The following FGF14 variants were observed in gnomAD, a reference collection of about 807,000 sequenced individuals.
The protein encoded by FGF14 is fibroblast growth factor homologous factor 4.
Under a neutral mutation model 25.5 loss-of-function variants are expected in FGF14, and 5 were observed. The observed-to-expected ratio is 0.20, with a 90% CI of 0.10 to 0.41. FGF14 has a LOEUF of 0.41. Ranked by LOEUF, FGF14 falls within the 10% of genes least tolerant of loss-of-function variation. The probability of loss-of-function intolerance (pLI) is 1.00; values close to 1 mark genes in which losing one functional copy is unlikely to be tolerated. For missense variants in FGF14, 222 were observed against 320.1 expected (o/e 0.69, Z 2.34); for synonymous variants, 138 against 118.3 (o/e 1.17, Z -1.08).
intron 1 of FGF14, among the ~76,000 whole-genome samples, chr13:102,162,271 T>C (rs927710766): frequency 1.3e-4 from 20 of 152,120 alleles, no homozygotes; most frequent in African/African-American, 4.3e-4. Context: ...CATTTGGTAA[T>C]AAATTATAAG....
At chr13:102,232,376 T>C (rs761172062) in intron 1 of FGF14, among the ~76,000 whole-genome samples, 15 of 152,194 alleles carry the variant, frequency 9.9e-5, no homozygotes, top group Non-Finnish European at 2.1e-4. Context: ...CCTATCAAGC[T>C]ATCACAAGAA....
intron 1 of FGF14, among the ~76,000 whole-genome samples, chr13:102,379,504 TCA>T (rs566123937): frequency 0.016 from 2,415 of 151,650 alleles, 67 homozygotes; most frequent in African/African-American, 0.055. Context: ...TTTTAAACTT[TCA>T]GTTTAAAGTA....
In FGF14 at chr13:102,195,736, G is replaced by A. The variant is rs573555320; in HGVS notation, c.208+205735C>T. Reference sequence around the variant, plus strand: ...AAGCCCAGGAAGCAGAGGTTGCAGTGAGCCAAGATCACACCACTGCATACA... The same window carrying A: ...AAGCCCAGGAAGCAGAGGTTGCAGTAAGCCAAGATCACACCACTGCATACA... On this transcript the variant is annotated intron_variant, in intron 1 of 4. Transcript: ENST00000376131. Among the ~76,000 whole-genome samples the A allele has an allele frequency of 4.1e-5, 6 of 146,990 alleles. No individual in the cohort carries two copies. The South Asian group carries it at 1.3e-3, about 32-fold the overall frequency.
At chr13:102,033,087 C>T (rs893935394) in intron 1 of FGF14, among the ~76,000 whole-genome samples, 1 of 152,034 alleles carries the variant, frequency 6.6e-6, no homozygotes, top group Non-Finnish European at 1.5e-5. Flanking sequence ...TCCTTGAATA[C>T]CCTACCCATA....
At chr13:101,879,966 G>A (rs932236755) in intron 1 of FGF14, among the ~76,000 whole-genome samples, 10 of 152,116 alleles carry the variant, frequency 6.6e-5, no homozygotes, top group African/African-American at 2.4e-4. Context: ...AAATAAAGGT[G>A]GGATAGGGAC....
chr13:102,240,853 A>G (rs2051564091), intron 1 of FGF14, among the ~76,000 whole-genome samples: 1 of 152,146 alleles, frequency 6.6e-6, no homozygotes, highest in African/African-American at 2.4e-5. Flanking sequence ...AATAATTTTT[A>G]CCCTCTTATT....
intron 1 of FGF14, among the ~76,000 whole-genome samples, chr13:102,136,815 C>A (rs958396174): frequency 1.3e-5 from 2 of 152,176 alleles, no homozygotes; most frequent in African/African-American, 4.8e-5. Flanking sequence ...TTTATCTTAA[C>A]TAGCTCATAT....
intron 1 of FGF14, among the ~76,000 whole-genome samples, chr13:102,179,629 T>C (rs1041465076): frequency 6.6e-5 from 10 of 152,138 alleles, no homozygotes; most frequent in Non-Finnish European, 1.3e-4. Flanking sequence ...GGGAAGTAAA[T>C]TGAGACTTAC....
intron 1 of FGF14, among the ~76,000 whole-genome samples, chr13:101,995,081 T>C (rs921030112): frequency 6.6e-6 from 1 of 152,152 alleles, no homozygotes; most frequent in Non-Finnish European, 1.5e-5. Flanking sequence ...ATTATAGCAA[T>C]TTGAATAGAG....
intron 1 of FGF14, among the ~76,000 whole-genome samples, chr13:101,948,458 G>A (rs1274751285): frequency 1.5e-5 from 2 of 129,854 alleles, no homozygotes; most frequent in Non-Finnish European, 3.1e-5. Context: ...AGAACTTAAA[G>A]TATAATAAAA....
At chr13:101,783,459 ACT>A (rs1437704946) in intron 3 of FGF14, among the ~76,000 whole-genome samples, 1 of 130,788 alleles carries the variant, frequency 7.6e-6, no homozygotes, top group Non-Finnish European at 1.7e-5. Context: ...ACAGAGCGAG[ACT>A]CTGTCTCAAA....
chr13:101,878,230 T>G (rs926574517), intron 1 of FGF14, among the ~76,000 whole-genome samples: 1 of 152,200 alleles, frequency 6.6e-6, no homozygotes. Flanking sequence ...GTCTCAAATA[T>G]GGCCACCTGC....
intron 1 of FGF14, among the ~76,000 whole-genome samples, chr13:102,311,742 G>A (rs541148375): frequency 2.3e-4 from 35 of 152,270 alleles, no homozygotes; most frequent in African/African-American, 7.5e-4. Context: ...AACACTTCTC[G>A]AATATCTGTG....
At chr13:101,789,597 G>A (rs1213353333) in intron 3 of FGF14, among the ~76,000 whole-genome samples, 1 of 152,114 alleles carries the variant, frequency 6.6e-6, no homozygotes, top group Non-Finnish European at 1.5e-5. Context: ...ACTTCAAAAT[G>A]TAAAGCATAA....
At chr13:102,024,563 G>A (rs1012471741) in intron 1 of FGF14, among the ~76,000 whole-genome samples, 7 of 151,834 alleles carry the variant, frequency 4.6e-5, no homozygotes, top group Admixed American at 6.6e-5. Context: ...AATATGAAGC[G>A]TTTTTCACTT....
intron 3 of FGF14, among the ~76,000 whole-genome samples, chr13:101,856,189 G>A (rs1319725890): frequency 2.0e-5 from 3 of 151,330 alleles, no homozygotes; most frequent in African/African-American, 4.8e-5. Flanking sequence ...TTTCTCCATG[G>A]ACATTAAAAG....
intron 1 of FGF14, among the ~76,000 whole-genome samples, chr13:101,924,602 A>T (rs543862266): frequency 6.6e-6 from 1 of 152,232 alleles, no homozygotes. Context: ...TATTTCGGTC[A>T]TAATTATTTA....
At chr13:101,959,400 T>G (rs2036705348) in intron 1 of FGF14, among the ~76,000 whole-genome samples, 1 of 152,180 alleles carries the variant, frequency 6.6e-6, no homozygotes, top group Non-Finnish European at 1.5e-5. Flanking sequence ...AAAATTTGTT[T>G]AACTACAGGT....
At chr13:102,149,010 C>A (rs2046970370) in intron 1 of FGF14, among the ~76,000 whole-genome samples, 1 of 152,010 alleles carries the variant, frequency 6.6e-6, no homozygotes, top group Non-Finnish European at 1.5e-5. Flanking sequence ...ATACATTTGT[C>A]AGGGAGACAT....
Sources: allele counts gnomAD v4.1 joint callset (sites outside exome capture counted in the v4.1 genomes callset), GRCh38; gene constraint gnomAD v4.1.1; transcripts MANE v1.5; gene names NCBI Gene and HGNC (gene_info 2026-07-23, HGNC 2026-07-21).